ADGRL2: variants seen among roughly 807,000 people sequenced by gnomAD.
The protein encoded by ADGRL2 is calcium-independent alpha-latrotoxin receptor 2.
In ADGRL2, 44 loss-of-function variants were observed where a neutral mutation model predicts 157.4. That is an observed-to-expected ratio of 0.28 (90% confidence interval 0.22 to 0.36). The LOEUF (loss-of-function observed/expected upper bound fraction) is 0.36. Ranked by LOEUF, ADGRL2 falls within the 10% of genes least tolerant of loss-of-function variation. ADGRL2 has a pLI of 1.00. For missense variants in ADGRL2, 1,510 were observed against 1,768.9 expected, an observed-to-expected ratio of 0.85 and a Z score of 2.63; for synonymous variants, 585 against 624.7, an observed-to-expected ratio of 0.94 and a Z score of 0.95.
chr1:81,390,792 A>C (rs2076532824), intron 1 of ADGRL2, among the ~76,000 whole-genome samples: 1 of 152,308 alleles, frequency 6.6e-6, no homozygotes, highest in African/African-American at 2.4e-5. Flanking sequence ...TCATTATATG[A>C]ATGCAACAAA....
intron 1 of ADGRL2, among the ~76,000 whole-genome samples, chr1:81,340,136 A>AG (rs1661962744): frequency 6.6e-6 from 1 of 152,188 alleles, no homozygotes; most frequent in African/African-American, 2.4e-5. Flanking sequence ...TATTTGCAAG[A>AG]GGGTGCTTTT....
rs572246716 is a variant in ADGRL2, at chr1:81,976,386, G to T, written c.3022-3483G>T. On this transcript the variant is annotated intron_variant, in intron 17 of 23. Transcript: ENST00000686636. ...GTCATGTTTCAGAGGCTAAGTTAGTGTTGGGTTTAACTATAAATTTCTTTA... is the reference window on the plus strand; with the variant it reads ...GTCATGTTTCAGAGGCTAAGTTAGTTTTGGGTTTAACTATAAATTTCTTTA... Among the ~76,000 whole-genome samples the T allele has an allele frequency of 3.3e-5, 5 of 152,038 alleles. No homozygotes were observed. The East Asian group carries it at 9.7e-4, about 29-fold the overall frequency.
Position 81,578,144 on chromosome 1 carries a change from T to C in ADGRL2, c.-247-2732T>C, listed in dbSNP as rs146799377. ...ACAAGTTAGTTAGTTTGGATAGCTT[T>C]GTAATAGTTATACAATGGGGAAATT... On this transcript the variant is annotated intron_variant, in intron 2 of 24. Coordinates refer to the ADGRL2 transcript ENST00000370721. 1.5e-3 allele frequency among the ~76,000 whole-genome samples: 229 copies of C among 152,302 alleles called. 2 individuals are homozygous for C. Among genetic ancestry groups the C allele is most frequent in the African/African-American group, 5.3e-3 (222 of 41,584 alleles).
Position 81,943,661 on chromosome 1 carries a change from T to C in ADGRL2, c.1102T>C (p.Tyr368His). The change falls in exon 6 of 24, where the codon TAT becomes CAT. Residue 368 changes from tyrosine to histidine, a missense_variant. Physicochemically the swap from Tyr to His is moderately conservative, Grantham distance 83. Coordinates refer to ENST00000686636, the MANE Select transcript of ADGRL2 (RefSeq NM_001366006.2). The surrounding 1 kb of genome is among the most constrained non-coding windows in gnomAD (Gnocchi z 5.6). ...VDVPFPNQYQ[Y>H]IAAVDYNPRD... ...TGTTCCCTTCCCCAACCAGTATCAG[T>C]ATATTGCTGCAGTGGATTACAATCC... The C allele has an allele frequency of 6.2e-7, 1 of 1,613,550 alleles. No homozygotes were observed. Among genetic ancestry groups the C allele is most frequent in the Non-Finnish European group, 8.5e-7 (1 of 1,179,596 alleles).
At chr1:81,725,055 A>T (rs1225022465) in intron 1 of ADGRL2, among the ~76,000 whole-genome samples, 1 of 151,496 alleles carries the variant, frequency 6.6e-6, no homozygotes, top group Non-Finnish European at 1.5e-5. Flanking sequence ...AATACAAAAA[A>T]TTAGCTGGGC....
At chr1:81,584,538 A>G (rs557657347) in intron 3 of ADGRL2, among the ~76,000 whole-genome samples, 50 of 152,218 alleles carry the variant, frequency 3.3e-4, no homozygotes, top group African/African-American at 1.2e-3. Context: ...GCTACATCCG[A>G]ATTGTTTTTG....
At chr1:81,910,271 T>TAATAATAATAAC (rs772743285) in intron 3 of ADGRL2, among the ~76,000 whole-genome samples, 23 of 149,834 alleles carry the variant, frequency 1.5e-4, no homozygotes, top group South Asian at 4.2e-4. Context: ...ATAATAATAA[T>TAATAATAATAAC]AATACTACAA....
At chr1:81,686,090 T>C (rs1024019276) in intron 3 of ADGRL2, among the ~76,000 whole-genome samples, 5 of 152,170 alleles carry the variant, frequency 3.3e-5, no homozygotes, top group Admixed American at 1.3e-4. Context: ...TATTGGTCTG[T>C]AGTTTTCTTT....
At chr1:81,501,225 AC>A (rs1412995296) in intron 2 of ADGRL2, among the ~76,000 whole-genome samples, 1 of 152,234 alleles carries the variant, frequency 6.6e-6, no homozygotes. Flanking sequence ...TACTCTGTTC[AC>A]CTTTATACAC....
At chr1:81,564,421 A>ATAGATGTTGACAAGAT (rs2080513505) in intron 2 of ADGRL2, among the ~76,000 whole-genome samples, 2 of 152,162 alleles carry the variant, frequency 1.3e-5, no homozygotes, top group Non-Finnish European at 2.9e-5. Flanking sequence ...GCTTATTCAC[A>ATAGATGTTGACAAGAT]TAGATGTTGA....
chr1:81,306,877 A>AT (rs56040898), intron 1 of ADGRL2, among the ~76,000 whole-genome samples: 25,611 of 151,248 alleles, frequency 0.17, 3,135 homozygotes, highest in African/African-American at 0.35. Flanking sequence ...ACCGTAACAA[A>AT]TTTTTTTTTT....
intron 1 of ADGRL2, among the ~76,000 whole-genome samples, chr1:81,801,776 C>A (rs980234562): frequency 6.6e-6 from 1 of 152,138 alleles, no homozygotes; most frequent in Admixed American, 6.5e-5. Context: ...TGGCCTCGCG[C>A]CCCCGGCGCC....
intron 1 of ADGRL2, among the ~76,000 whole-genome samples, chr1:81,742,332 C>T (rs559407615): frequency 6.6e-6 from 1 of 152,084 alleles, no homozygotes; most frequent in African/African-American, 2.4e-5. Context: ...TAATGTATGG[C>T]TATCCCTCTT....
intron 2 of ADGRL2, chr1:81,501,668 C>G (rs1012785986): frequency 8.0e-6 from 12 of 1,498,310 alleles, no homozygotes; most frequent in Non-Finnish European, 1.1e-5. Context: ...CTCCGCCACC[C>G]GAAAACCCGG....
At chr1:81,982,088 A>G in intron 19 of ADGRL2, 112 bp downstream of exon 19, 2 of 855,406 alleles carry the variant, frequency 2.3e-6, no homozygotes, top group East Asian at 3.0e-5. Context: ...AAAGAGCATT[A>G]TATTTTTAAT....
chr1:81,472,521 C>T (rs1298223537), intron 2 of ADGRL2, among the ~76,000 whole-genome samples: 1 of 152,090 alleles, frequency 6.6e-6, no homozygotes, highest in Non-Finnish European at 1.5e-5. Context: ...ATCCCAGCTA[C>T]TCAGGAGTCT....
chr1:81,474,497 G>A (rs1028239539), intron 2 of ADGRL2, among the ~76,000 whole-genome samples: 1 of 152,174 alleles, frequency 6.6e-6, no homozygotes, highest in Admixed American at 6.5e-5. Context: ...ACAGAGTCTA[G>A]CATGTTCAAT....
chr1:81,799,488 T>G (rs903796872), upstream of ADGRL2, among the ~76,000 whole-genome samples: 1 of 152,238 alleles, frequency 6.6e-6, no homozygotes, highest in African/African-American at 2.4e-5. Flanking sequence ...ACATTTAACC[T>G]ATGATTTCCT....
chr1:81,431,753 T>C (rs867787887), intron 1 of ADGRL2, among the ~76,000 whole-genome samples: 1 of 152,232 alleles, frequency 6.6e-6, no homozygotes, highest in South Asian at 2.1e-4. Context: ...TGTGGACTGA[T>C]AGATTACTTC....
Sources: allele counts gnomAD v4.1 joint callset (sites outside exome capture counted in the v4.1 genomes callset), GRCh38; gene constraint gnomAD v4.1.1; non-coding constraint Gnocchi (gnomAD v3.1); transcripts MANE v1.5; gene names NCBI Gene and HGNC (gene_info 2026-07-23, HGNC 2026-07-21).